Variants in ATP8A2 observed in about 807,000 individuals in gnomAD.
ATP8A2 encodes phospholipid-transporting ATPase IB.
In ATP8A2, 100 loss-of-function variants were observed where a neutral mutation model predicts 165.6. The ratio of observed to expected loss-of-function variants is 0.60; its 90% CI spans 0.51 to 0.71. ATP8A2 has a LOEUF of 0.71. Ranked by LOEUF, ATP8A2 falls within the 30% of genes least tolerant of loss-of-function variation. ATP8A2 has a pLI of 0.00. For missense variants in ATP8A2, 1,227 were observed against 1,479.5 expected, an observed-to-expected ratio of 0.83 and a Z score of 2.80; for synonymous variants, 543 against 548.8, an observed-to-expected ratio of 0.99 and a Z score of 0.15.
At chr13:25,720,102 C>G (rs1045014576) in intron 25 of ATP8A2, among the ~76,000 whole-genome samples, 1 of 151,448 alleles carries the variant, frequency 6.6e-6, no homozygotes, top group African/African-American at 2.4e-5. Flanking sequence ...AAGTTACCTT[C>G]TAGTTAAAAT....
intron 15 of ATP8A2, among the ~76,000 whole-genome samples, chr13:25,561,737 T>G (rs2039161970): frequency 6.6e-6 from 1 of 152,208 alleles, no homozygotes; most frequent in African/African-American, 2.4e-5. Context: ...TTCTAGAACT[T>G]TTTCATCTGA....
intron 33 of ATP8A2, among the ~76,000 whole-genome samples, chr13:25,920,852 G>C (rs1198937147): frequency 6.6e-6 from 1 of 152,244 alleles, no homozygotes; most frequent in African/African-American, 2.4e-5. Context: ...CGAGGTGGGT[G>C]AATCACTTGA....
chr13:25,629,148 C>T (rs536859434), intron 24 of ATP8A2, among the ~76,000 whole-genome samples: 1 of 152,086 alleles, frequency 6.6e-6, no homozygotes, highest in Non-Finnish European at 1.5e-5. Flanking sequence ...AGCATTGTAC[C>T]CTGCTCCTGG....
chr13:25,887,616 G>A (rs1298444866), intron 33 of ATP8A2, among the ~76,000 whole-genome samples: 6 of 152,156 alleles, frequency 3.9e-5, no homozygotes, highest in Non-Finnish European at 7.3e-5. Flanking sequence ...GATTACAGGC[G>A]TGAGCCACAG....
chr13:25,531,272 A>ATATATGATATATGTTATATATG (rs1566229294), intron 4 of ATP8A2, among the ~76,000 whole-genome samples: 30 of 60,444 alleles, frequency 5.0e-4, no homozygotes, highest in African/African-American at 1.6e-3. Flanking sequence ...GATATATATG[A>ATATATGATATATGTTATATATG]TATATATGTT....
intron 25 of ATP8A2, among the ~76,000 whole-genome samples, chr13:25,761,586 T>C (rs2044378793): frequency 6.6e-6 from 1 of 151,820 alleles, no homozygotes; most frequent in Non-Finnish European, 1.5e-5. Context: ...AAGACCAGCA[T>C]GGGCAACATA....
rs150624083 is a variant in ATP8A2 at position 25,590,934 on chromosome 13, A to G, written c.2211+1235A>G. ...GACCACCCTCTGGCGTGAGTGCTTC[A>G]GAATTCATCTCGGTACACCTCCTAT... On this transcript the variant is annotated intron_variant, in intron 24 of 36. Transcript: ENST00000381655. Among the ~76,000 whole-genome samples the G allele has an allele frequency of 1.8e-3, 272 of 152,212 alleles. 3 individuals carry two copies. The highest frequency in any genetic ancestry group is 0.014 in the South Asian group (69 of 4,812).
chr13:25,757,909 A>C (rs762958834), intron 25 of ATP8A2, among the ~76,000 whole-genome samples: 2 of 152,136 alleles, frequency 1.3e-5, no homozygotes, highest in Non-Finnish European at 2.9e-5. Context: ...CTGAAGGCAC[A>C]GGGTCCTGCT....
Position 25,793,758 on chromosome 13 carries a change from T to TA in ATP8A2, c.2679+18801dup, listed in dbSNP as rs1414087603. On this transcript the variant is annotated intron_variant, in intron 27 of 36. Transcript: ENST00000381655. ...GATAGCAGAGAAATCCTTTGCTATC[T>TA]AATATGTCACGGTGAAGGCCACTGG... 2.6e-5 allele frequency among the ~76,000 whole-genome samples: 4 copies of TA among 152,322 alleles called. No homozygotes were observed. The East Asian group carries it at 7.7e-4, about 29-fold the overall frequency.
At chr13:26,016,841 G>A (rs143736279) in intron 36 of ATP8A2, among the ~76,000 whole-genome samples, 10 of 152,324 alleles carry the variant, frequency 6.6e-5, no homozygotes, top group African/African-American at 2.4e-4. Context: ...CCATGAACAT[G>A]TCCTGGAGCC....
chr13:25,613,248 T>G (rs750745478), intron 24 of ATP8A2, among the ~76,000 whole-genome samples: 2 of 152,222 alleles, frequency 1.3e-5, no homozygotes, highest in Non-Finnish European at 2.9e-5. Flanking sequence ...GGTTCTATTT[T>G]GTTGTATTTT....
chr13:25,844,429 C>T (rs1951814137), intron 30 of ATP8A2, among the ~76,000 whole-genome samples: 2 of 152,224 alleles, frequency 1.3e-5, no homozygotes, highest in South Asian at 4.2e-4. Flanking sequence ...TGGGGTTTCA[C>T]CCTGTTGGCC....
chr13:25,722,158 G>A (rs959990822), intron 25 of ATP8A2, among the ~76,000 whole-genome samples: 3 of 152,148 alleles, frequency 2.0e-5, no homozygotes, highest in African/African-American at 7.2e-5. Context: ...CTCGCTTATA[G>A]CCATCCTAGT....
intron 33 of ATP8A2, among the ~76,000 whole-genome samples, chr13:25,883,591 C>T (rs767730661): frequency 9.9e-5 from 15 of 152,222 alleles, no homozygotes; most frequent in Middle Eastern, 3.2e-3. Context: ...TGTCTTCACT[C>T]CTGTGCCTTG....
At chr13:25,701,721 AAAAC>A (rs1263956416) in intron 25 of ATP8A2, among the ~76,000 whole-genome samples, 6 of 98,502 alleles carry the variant, frequency 6.1e-5, no homozygotes, top group Non-Finnish European at 1.2e-4. Flanking sequence ...GCTTGATACT[AAAAC>A]ACACACACAC....
At chr13:25,651,607 CAA>C (rs2041814990) in intron 24 of ATP8A2, among the ~76,000 whole-genome samples, 1 of 151,746 alleles carries the variant, frequency 6.6e-6, no homozygotes, top group Non-Finnish European at 1.5e-5. Context: ...CAGTTTTATT[CAA>C]GTTATATATT....
chr13:25,992,625 T>G (rs1366774811), intron 35 of ATP8A2, among the ~76,000 whole-genome samples: 1 of 152,202 alleles, frequency 6.6e-6, no homozygotes, highest in Non-Finnish European at 1.5e-5. Context: ...AGAACTCTGC[T>G]TAGCCCTAGA....
intron 30 of ATP8A2, among the ~76,000 whole-genome samples, chr13:25,843,271 G>A (rs1158213671): frequency 6.6e-6 from 1 of 152,150 alleles, no homozygotes; most frequent in Non-Finnish European, 1.5e-5. Context: ...TGGGACTGGG[G>A]GTGCCTGGAC....
At chr13:25,963,559 A>G (rs910252776) in intron 34 of ATP8A2, among the ~76,000 whole-genome samples, 1 of 152,236 alleles carries the variant, frequency 6.6e-6, no homozygotes, top group Non-Finnish European at 1.5e-5. Flanking sequence ...AGTTTTAGAT[A>G]AATAGGCCAC....
Sources: allele counts gnomAD v4.1 joint callset (sites outside exome capture counted in the v4.1 genomes callset), GRCh38; gene constraint gnomAD v4.1.1; transcripts MANE v1.5; gene names NCBI Gene and HGNC (gene_info 2026-07-23, HGNC 2026-07-21).